The following CCDC102B variants were observed in gnomAD, a reference collection of about 807,000 sequenced individuals.
CCDC102B encodes the protein coiled-coil domain-containing protein 102B.
A neutral mutation model predicts 57.4 loss-of-function variants in CCDC102B; 75 were observed. The ratio of observed to expected loss-of-function variants is 1.31; its 90% confidence interval spans 1.08 to 1.58. The LOEUF (loss-of-function observed/expected upper bound fraction) is 1.58. Among genes scored for constraint, CCDC102B ranks in the 40% most tolerant of loss-of-function variants. CCDC102B has a pLI of 0.00. For missense variants in CCDC102B, 636 were observed against 582.6 expected, an observed-to-expected ratio of 1.09 and a Z score of -0.94; for synonymous variants, 206 against 201.9, an observed-to-expected ratio of 1.02 and a Z score of -0.17.
At chr18:68,768,647 T>G (rs1210799426) in intron 2 of CCDC102B, among the ~76,000 whole-genome samples, 1 of 152,112 alleles carries the variant, frequency 6.6e-6, no homozygotes, top group Non-Finnish European at 1.5e-5. Context: ...TTTTGTTTAA[T>G]GTAAATTAAA....
intron 7 of CCDC102B, among the ~76,000 whole-genome samples, chr18:69,049,936 A>G (rs1000517928): frequency 2.0e-5 from 3 of 151,958 alleles, no homozygotes; most frequent in Non-Finnish European, 4.4e-5. Context: ...CAGCCTCCTG[A>G]GTAGCTGGGA....
chr18:68,724,283 G>A (rs2032492692), intron 2 of CCDC102B, among the ~76,000 whole-genome samples: 1 of 152,214 alleles, frequency 6.6e-6, no homozygotes, highest in African/African-American at 2.4e-5. Context: ...GAAGGTTTCT[G>A]ACATGCCCCG....
chr18:68,955,849 T>A (rs1386264368), intron 6 of CCDC102B, among the ~76,000 whole-genome samples: 2 of 152,094 alleles, frequency 1.3e-5, no homozygotes, highest in Non-Finnish European at 2.9e-5. Flanking sequence ...AAATGTGTAG[T>A]AATCACATCA....
chr18:68,904,944 T>C (rs1430099680), intron 6 of CCDC102B, among the ~76,000 whole-genome samples: 1 of 152,154 alleles, frequency 6.6e-6, no homozygotes, highest in Non-Finnish European at 1.5e-5. Flanking sequence ...CTACTAAATA[T>C]AGTGTTTGGC....
chr18:68,857,569 C>G (rs1463298993), intron 4 of CCDC102B, among the ~76,000 whole-genome samples: 1 of 150,368 alleles, frequency 6.7e-6, no homozygotes, highest in Non-Finnish European at 1.5e-5. Flanking sequence ...CTTCCTAATG[C>G]TCAATACAAA....
chr18:68,869,355 C>T (rs1337321200), intron 4 of CCDC102B, among the ~76,000 whole-genome samples: 1 of 152,110 alleles, frequency 6.6e-6, no homozygotes, highest in Non-Finnish European at 1.5e-5. Flanking sequence ...TTTGCATAAG[C>T]CCAAGGAAGA....
At chr18:68,830,933 A>G (rs1197980099) in intron 1 of CCDC102B, among the ~76,000 whole-genome samples, 2 of 151,978 alleles carry the variant, frequency 1.3e-5, no homozygotes, top group African/African-American at 4.8e-5. Context: ...TTTTTCCAAG[A>G]CTCATAACAA....
At chr18:68,780,254 C>A (rs180853317) in intron 2 of CCDC102B, among the ~76,000 whole-genome samples, 139 of 151,994 alleles carry the variant, frequency 9.1e-4, no homozygotes, top group Middle Eastern at 3.4e-3. Flanking sequence ...ATTTCTTTGT[C>A]CATTCCTCAG....
At chr18:68,758,078 A>G (rs933014221) in intron 2 of CCDC102B, among the ~76,000 whole-genome samples, 1 of 152,068 alleles carries the variant, frequency 6.6e-6, no homozygotes, top group Non-Finnish European at 1.5e-5. Context: ...TTTCTCTTAG[A>G]GCCCAGAAGT....
chr18:68,879,747 C>T (rs908705989), intron 5 of CCDC102B, among the ~76,000 whole-genome samples: 10 of 152,142 alleles, frequency 6.6e-5, no homozygotes, highest in Admixed American at 1.3e-4. Flanking sequence ...AAGGCCCCAC[C>T]AGAATAGCTA....
chr18:69,048,242 G>A (rs1475665315), intron 7 of CCDC102B, among the ~76,000 whole-genome samples: 1 of 151,130 alleles, frequency 6.6e-6, no homozygotes, highest in Non-Finnish European at 1.5e-5. Flanking sequence ...TCCCAAGTAG[G>A]TATACAGGTG....
chr18:68,953,682 C>T (rs1033511324), intron 6 of CCDC102B, among the ~76,000 whole-genome samples: 2 of 151,840 alleles, frequency 1.3e-5, no homozygotes, highest in African/African-American at 4.8e-5. Flanking sequence ...TTTGAGAGAA[C>T]TCTCATTACA....
At chr18:68,933,359 T>C (rs1211730515) in intron 6 of CCDC102B, among the ~76,000 whole-genome samples, 2 of 151,926 alleles carry the variant, frequency 1.3e-5, no homozygotes, top group Non-Finnish European at 2.9e-5. Flanking sequence ...GATAAGTTCA[T>C]TTTTACCTAT....
chr18:68,823,156 G>T (rs934514957), intron 1 of CCDC102B, among the ~76,000 whole-genome samples: 6 of 152,140 alleles, frequency 3.9e-5, no homozygotes, highest in Admixed American at 3.3e-4. Flanking sequence ...TGCTTCATTC[G>T]CATAGGTTGT....
At chr18:68,814,748 G>T (rs1424269541) in intron 1 of CCDC102B, among the ~76,000 whole-genome samples, 1 of 151,898 alleles carries the variant, frequency 6.6e-6, no homozygotes, top group East Asian at 1.9e-4. Flanking sequence ...AGTCCCAGAA[G>T]TGTTTTAAGT....
At chr18:68,850,744 G>A (rs1412513605) in intron 4 of CCDC102B, among the ~76,000 whole-genome samples, 2 of 151,854 alleles carry the variant, frequency 1.3e-5, no homozygotes, top group African/African-American at 2.4e-5. Context: ...TAGCTACAGT[G>A]GCTTTCATTC....
chr18:68,883,305 G>T (rs1051004515), intron 5 of CCDC102B, among the ~76,000 whole-genome samples: 1 of 152,046 alleles, frequency 6.6e-6, no homozygotes, highest in Non-Finnish European at 1.5e-5. Context: ...CAGCTGCTCA[G>T]GAGGCTGAGG....
At chr18:68,980,882 G>A (rs1023863939) in intron 6 of CCDC102B, among the ~76,000 whole-genome samples, 2 of 152,004 alleles carry the variant, frequency 1.3e-5, no homozygotes, top group Non-Finnish European at 2.9e-5. Context: ...GAGATAAAGG[G>A]GGAGTATGGT....
chr18:68,853,900 T>C (rs2038259478), intron 4 of CCDC102B, among the ~76,000 whole-genome samples: 2 of 152,112 alleles, frequency 1.3e-5, no homozygotes, highest in African/African-American at 4.8e-5. Flanking sequence ...CCAGGACTTC[T>C]GTCAAGGTCC....
Sources: gnomAD v4.1 joint callset for allele counts (sites outside exome capture counted in the v4.1 genomes callset) on GRCh38, gnomAD v4.1.1 for gene constraint, MANE v1.5 for transcripts, NCBI Gene and HGNC (gene_info 2026-07-23, HGNC 2026-07-21) for gene names.